The following NOS1AP variants were observed in gnomAD, a reference collection of about 807,000 sequenced individuals.
The protein encoded by NOS1AP is nitric oxide synthase 1 adaptor protein.
Under a neutral mutation model 56.2 loss-of-function variants are expected in NOS1AP, and 21 were observed. The ratio of observed to expected loss-of-function variants is 0.37; its 90% CI spans 0.26 to 0.54. The LOEUF (loss-of-function observed/expected upper bound fraction) is 0.54, where lower values mean the gene tolerates loss of function less well. Among genes scored for constraint, NOS1AP ranks in the 20% least tolerant of loss-of-function variants. The pLI, the probability that NOS1AP is intolerant of heterozygous loss-of-function variation, is 0.84. For synonymous variants in NOS1AP, 270 were observed against 274.6 expected (o/e 0.98, Z 0.17); for missense variants, 522 against 657.8 (o/e 0.79, Z 2.26).
At chr1:162,117,858 A>G (rs1353603874) in intron 1 of NOS1AP, among the ~76,000 whole-genome samples, 2 of 152,208 alleles carry the variant, frequency 1.3e-5, no homozygotes, top group African/African-American at 4.8e-5. Flanking sequence ...GTTGGGACAC[A>G]TGGGGCTTCC....
At chr1:162,359,199 G>C (rs1657805035) in intron 8 of NOS1AP, among the ~76,000 whole-genome samples, 1 of 152,160 alleles carries the variant, frequency 6.6e-6, no homozygotes, top group African/African-American at 2.4e-5. Flanking sequence ...CTTGGAATCT[G>C]TTGAATATAG....
chr1:162,164,832 G>A lies in NOS1AP; in HGVS notation c.177+10356G>A, dbSNP rs149121096. ...AGGACAAGGACGGAAAGCCATGGCA[G>A]CACACACTGATGATCGGATCTGCTG... On this transcript the variant is annotated intron_variant, in intron 2 of 9. Transcript: ENST00000361897. Among the ~76,000 whole-genome samples the A allele has an allele frequency of 3.8e-3, 585 of 152,286 alleles. 7 individuals carry two copies. The highest frequency in any genetic ancestry group is 0.013 in the African/African-American group (544 of 41,548).
intron 2 of NOS1AP, 101 bp from the exon 3 acceptor site, chr1:162,287,243 C>T: frequency 1.2e-6 from 1 of 809,048 alleles, no homozygotes; most frequent in Non-Finnish European, 2.2e-6. Flanking sequence ...TTCCCCACAC[C>T]TGTCTGGGGA....
chr1:162,139,495 A>G (rs922573745), intron 1 of NOS1AP, among the ~76,000 whole-genome samples: 4 of 152,160 alleles, frequency 2.6e-5, no homozygotes, highest in African/African-American at 4.8e-5. Context: ...TCAGAGGCTC[A>G]CTTCCAGAAT....
chr1:162,154,228 T>C (rs188029061), intron 1 of NOS1AP, among the ~76,000 whole-genome samples, 177 bp from the exon 2 acceptor site: 60 of 152,318 alleles, frequency 3.9e-4, no homozygotes, highest in African/African-American at 1.3e-3. Context: ...CAGTAATTTC[T>C]GGTTAACTTG....
intron 2 of NOS1AP, among the ~76,000 whole-genome samples, chr1:162,210,666 G>A (rs12116744): frequency 0.27 from 40,706 of 152,040 alleles, 5,673 homozygotes; most frequent in East Asian, 0.39. Flanking sequence ...ATACTCGCCT[G>A]CTTCAAGGCC....
At chr1:162,169,820 A>G (rs1029720195) in intron 2 of NOS1AP, among the ~76,000 whole-genome samples, 17 of 152,200 alleles carry the variant, frequency 1.1e-4, no homozygotes, top group Admixed American at 4.6e-4. Context: ...GTGCCTGTCC[A>G]ACTCATTTCC....
At chr1:162,300,000 T>C (rs933884238) in intron 3 of NOS1AP, among the ~76,000 whole-genome samples, 1 of 152,016 alleles carries the variant, frequency 6.6e-6, no homozygotes, top group East Asian at 1.9e-4. Flanking sequence ...CCTTGCGCTT[T>C]CCCCCCTCTT....
chr1:162,266,473 A>T (rs1221068623), intron 2 of NOS1AP, among the ~76,000 whole-genome samples: 1 of 152,218 alleles, frequency 6.6e-6, no homozygotes, highest in Non-Finnish European at 1.5e-5. Context: ...ATCGCCTGGT[A>T]AGAAAATTCT....
chr1:162,096,110 G>A (rs979988914), intron 1 of NOS1AP, among the ~76,000 whole-genome samples: 4 of 152,118 alleles, frequency 2.6e-5, no homozygotes, highest in Admixed American at 2.6e-4. Context: ...TGCAGTAAAT[G>A]CTTTTCAAAT....
At chr1:162,137,198 G>A (rs1362218339) in intron 1 of NOS1AP, among the ~76,000 whole-genome samples, 1 of 152,172 alleles carries the variant, frequency 6.6e-6, no homozygotes, top group Non-Finnish European at 1.5e-5. Context: ...TCAGCCTCCT[G>A]CAAAAATGCC....
chr1:162,331,803 G>A (rs542934328), intron 4 of NOS1AP, among the ~76,000 whole-genome samples: 92 of 152,218 alleles, frequency 6.0e-4, no homozygotes, highest in African/African-American at 2.0e-3. Context: ...TCCCTGCACC[G>A]ACCCCACAGC....
At chr1:162,245,983 G>A (rs1571157719) in intron 2 of NOS1AP, among the ~76,000 whole-genome samples, 1 of 152,202 alleles carries the variant, frequency 6.6e-6, no homozygotes, top group Non-Finnish European at 1.5e-5. Flanking sequence ...ACACATTTGA[G>A]GGGTCAAGGT....
At chr1:162,082,832 TG>T (rs1435403385) in intron 1 of NOS1AP, among the ~76,000 whole-genome samples, 4 of 152,182 alleles carry the variant, frequency 2.6e-5, no homozygotes, top group South Asian at 2.1e-4. Context: ...CCTTTTGGAT[TG>T]GAAATCTCAG....
Position 162,264,469 on chromosome 1 carries a change from C to CTCTCCTCTCCTCTCCTCCCCTCCCCTGT in NOS1AP, c.178-22875_178-22874insTCTCCTCTCCTCTCCTCCCCTCCCCTGT, listed in dbSNP as rs1553200311. Among the ~76,000 whole-genome samples, 11 of 31,850 alleles carry CTCTCCTCTCCTCTCCTCCCCTCCCCTGT rather than the reference C, an allele frequency of 3.5e-4. 1 individual carries two copies. Among genetic ancestry groups the CTCTCCTCTCCTCTCCTCCCCTCCCCTGT allele is most frequent in the African/African-American group, 2.1e-3 (7 of 3,394 alleles). The allele number at this position is 31,850 out of a possible 152,430, so 20.9% of individuals were successfully genotyped here. A position where few individuals can be genotyped will look rare whatever the true frequency, so the allele number is the denominator to read the frequency against. ...TCTTCTCTTCTCTTCTCTTCTCCTC[C>CTCTCCTCTCCTCTCCTCCCCTCCCCTGT]CCTCCCCTCCCCTCCCCTCTCCTCC... On this transcript the variant is annotated intron_variant, in intron 2 of 9. Transcript: ENST00000361897.
At chr1:162,158,377 ACAAT>A in intron 2 of NOS1AP, among the ~76,000 whole-genome samples, 1 of 152,152 alleles carries the variant, frequency 6.6e-6, no homozygotes, top group East Asian at 1.9e-4. Context: ...CCACATTAAA[ACAAT>A]CCATTCATTT....
At chr1:162,340,969 A>G (rs1049946797) in intron 5 of NOS1AP, among the ~76,000 whole-genome samples, 2 of 152,056 alleles carry the variant, frequency 1.3e-5, no homozygotes, top group Non-Finnish European at 2.9e-5. Context: ...GCTGGAGTCT[A>G]TATTCTTAAG....
At position 162,192,694 on chromosome 1, in the gene NOS1AP, A is replaced by C. The variant is rs530629204; in HGVS notation, c.177+38218A>C. On this transcript the variant is annotated intron_variant, in intron 2 of 9. Coordinates refer to ENST00000361897, the MANE Select transcript of NOS1AP (RefSeq NM_014697.3). ...CTGGCCAATCCCTTTGCTGATTTAA[A>C]TATATGTAAATATAGATTTTTAAAA... 1.1e-3 allele frequency among the ~76,000 whole-genome samples: 169 copies of C among 152,326 alleles called. 2 individuals carry two copies. In the Middle Eastern group the frequency reaches 0.02, roughly 18 times the overall value.
At chr1:162,264,469 C>CCCTCCCCTCCCCTCCCCTGT (rs1654351213) in intron 2 of NOS1AP, among the ~76,000 whole-genome samples, 2 of 31,862 alleles carry the variant, frequency 6.3e-5, no homozygotes, top group Non-Finnish European at 9.1e-5. Context: ...TCTTCTCCTC[C>CCCTCCCCTCCCCTCCCCTGT]CCTCCCCTCC....
Sources: allele counts gnomAD v4.1 joint callset (sites outside exome capture counted in the v4.1 genomes callset), GRCh38; gene constraint gnomAD v4.1.1; transcripts MANE v1.5; gene names NCBI Gene and HGNC (gene_info 2026-07-23, HGNC 2026-07-21).